The following GABPA variants were observed in gnomAD, a reference collection of about 807,000 sequenced individuals.
GABPA encodes the protein GA-binding protein alpha chain.
In GABPA, 4 loss-of-function variants were observed where a neutral mutation model predicts 59.4. The ratio of observed to expected loss-of-function variants is 0.07; its 90% CI spans 0.03 to 0.15. The LOEUF (loss-of-function observed/expected upper bound fraction) is 0.15. Among genes scored for constraint, GABPA ranks in the 10% least tolerant of loss-of-function variants. The pLI is 1.00. For synonymous variants in GABPA, 164 were observed against 183.1 expected, an observed-to-expected ratio of 0.90 and a Z score of 0.84; for missense variants, 251 against 543.8, an observed-to-expected ratio of 0.46 and a Z score of 5.36.
intron 5 of GABPA, among the ~76,000 whole-genome samples, chr21:25,752,504 G>T (rs1245213392): frequency 1.3e-5 from 2 of 152,186 alleles, no homozygotes; most frequent in East Asian, 3.8e-4. Flanking sequence ...GATGAAAAGA[G>T]ATGATTGCCA....
intron 1 of GABPA, among the ~76,000 whole-genome samples, chr21:25,737,235 A>C (rs2035096925): frequency 6.6e-6 from 1 of 152,238 alleles, no homozygotes; most frequent in Non-Finnish European, 1.5e-5. Context: ...GGCAGCCCTT[A>C]GACGGAGAAA....
At chr21:25,755,297 G>T (rs910790896) in intron 5 of GABPA, among the ~76,000 whole-genome samples, 1 of 151,808 alleles carries the variant, frequency 6.6e-6, no homozygotes, top group South Asian at 2.1e-4. Context: ...ATAGAAAAAA[G>T]AGCTGGGCAT....
At chr21:25,767,361 A>G (rs1361242156) in intron 9 of GABPA, among the ~76,000 whole-genome samples, 1 of 151,986 alleles carries the variant, frequency 6.6e-6, no homozygotes, top group African/African-American at 2.4e-5. Flanking sequence ...TTAAAAAAAT[A>G]CAAGTTTAAA....
At chr21:25,755,713 C>T (rs952462443) in intron 5 of GABPA, among the ~76,000 whole-genome samples, 1 of 152,046 alleles carries the variant, frequency 6.6e-6, no homozygotes, top group African/African-American at 2.4e-5. Context: ...AAATGTTTTC[C>T]CGGTGTCCAC....
intron 2 of GABPA, among the ~76,000 whole-genome samples, chr21:25,742,534 A>G (rs2035247880): frequency 1.3e-5 from 2 of 152,208 alleles, no homozygotes; most frequent in Admixed American, 1.3e-4. Context: ...TTTTTCCAGC[A>G]TAAGAAAGAG....
chr21:25,764,438 TGG>T (rs2146099301), intron 8 of GABPA, 88 bp downstream of exon 8: 2 of 1,437,090 alleles, frequency 1.4e-6, no homozygotes, highest in Admixed American at 2.3e-5. Flanking sequence ...AATGTGAATT[TGG>T]ACTATCCCTC....
chr21:25,739,469 T>A (rs1167486257), intron 1 of GABPA, among the ~76,000 whole-genome samples: 2 of 152,224 alleles, frequency 1.3e-5, no homozygotes, highest in East Asian at 1.9e-4. Context: ...CCGTTCCTTG[T>A]CTAGCTTTCA....
intron 4 of GABPA, among the ~76,000 whole-genome samples, chr21:25,750,747 GAAA>G (rs1001004468): frequency 1.1e-4 from 17 of 152,252 alleles, no homozygotes; most frequent in African/African-American, 3.1e-4. Context: ...TTGGGAATAG[GAAA>G]TAAATTAGTA....
intron 1 of GABPA, among the ~76,000 whole-genome samples, chr21:25,738,003 G>T (rs539788358): frequency 6.6e-6 from 1 of 152,282 alleles, no homozygotes; most frequent in East Asian, 1.9e-4. Context: ...CAATAAAGCT[G>T]CCCTGAACAT....
intron 6 of GABPA, 98 bp downstream of exon 6, chr21:25,758,302 G>A (rs1221341051): frequency 2.5e-6 from 2 of 815,514 alleles, no homozygotes; most frequent in East Asian, 5.5e-5. Flanking sequence ...ATAATGATAA[G>A]TAATAAGCAA....
chr21:25,768,669 C>T (rs111382578), intron 9 of GABPA, among the ~76,000 whole-genome samples: 26 of 151,994 alleles, frequency 1.7e-4, no homozygotes, highest in African/African-American at 5.6e-4. Context: ...CTTTCTGACT[C>T]CAAAGCTCTT....
chr21:25,762,986 C>T, intron 7 of GABPA: 1 of 384,296 alleles, frequency 2.6e-6, no homozygotes. Flanking sequence ...CTTGGCTTTT[C>T]CCCTTTCTTT....
rs540153557 is a variant in GABPA at position 25,752,298 on chromosome 21, C to T, written c.553+64C>T. ...GGAATTAAGCTTGACATAGAAGACA[C>T]TAGGGTAAGTTATAATCTATTTTAC... is the stretch of plus-strand genomic sequence containing the variant. On this transcript the variant is annotated intron_variant, in intron 5 of 9. Transcript: ENST00000400075. 6.7e-5 allele frequency: 99 copies of T among 1,474,878 alleles called. No individual in the cohort carries two copies. The African/African-American group carries it at 1.3e-3, about 19-fold the overall frequency. The allele number at this position is 1,474,878 out of a possible 1,614,324, so 91.4% of individuals were successfully genotyped here. A position where few individuals can be genotyped will look rare whatever the true frequency, so the allele number is the denominator to read the frequency against.
intron 9 of GABPA, among the ~76,000 whole-genome samples, chr21:25,766,836 C>T (rs71651648): frequency 2.2e-4 from 34 of 152,044 alleles, no homozygotes; most frequent in Admixed American, 4.6e-4. Flanking sequence ...ATGTTCATAG[C>T]AGATTATTTA....
At chr21:25,762,291 A>G (rs1568951603) in intron 6 of GABPA, 21 bp from the exon 7 acceptor site, 1 of 1,465,664 alleles carries the variant, frequency 6.8e-7, no homozygotes, top group Non-Finnish European at 9.3e-7. Context: ...AATAAAAACA[A>G]AAAATTTTTG....
At chr21:25,755,675 C>T (rs1453498631) in intron 5 of GABPA, among the ~76,000 whole-genome samples, 1 of 152,116 alleles carries the variant, frequency 6.6e-6, no homozygotes, top group Non-Finnish European at 1.5e-5. Context: ...CTCTCAGTGT[C>T]TGTTCGTGTC....
chr21:25,754,598 C>G (rs1185924075), intron 5 of GABPA, among the ~76,000 whole-genome samples: 1 of 151,942 alleles, frequency 6.6e-6, no homozygotes, highest in African/African-American at 2.4e-5. Context: ...TCCTACTTCT[C>G]TGAGTATATT....
chr21:25,755,673 G>T (rs1317716252), intron 5 of GABPA, among the ~76,000 whole-genome samples: 1 of 152,082 alleles, frequency 6.6e-6, no homozygotes, highest in Non-Finnish European at 1.5e-5. Flanking sequence ...TTCTCTCAGT[G>T]TCTGTTCGTG....
chr21:25,767,867 A>G (rs557406890), intron 9 of GABPA, among the ~76,000 whole-genome samples: 27 of 152,098 alleles, frequency 1.8e-4, no homozygotes, highest in Admixed American at 2.6e-4. Context: ...GAAAGATGAC[A>G]ATTTCCTGTA....
Sources: gnomAD v4.1 joint callset for allele counts (sites outside exome capture counted in the v4.1 genomes callset) on GRCh38, gnomAD v4.1.1 for gene constraint, MANE v1.5 for transcripts, NCBI Gene and HGNC (gene_info 2026-07-23, HGNC 2026-07-21) for gene names.